Variants in MLANA observed in about 807,000 individuals in gnomAD.
MLANA encodes the protein melanoma antigen recognized by T-cells 1.
In MLANA, 21 loss-of-function variants were observed where a neutral mutation model predicts 15.7. The ratio of observed to expected loss-of-function variants is 1.33; its 90% CI spans 0.95 to 1.92. The LOEUF is 1.92. MLANA is among the 40% of genes most tolerant of loss of function. The pLI, the probability that MLANA is intolerant of heterozygous loss-of-function variation, is 0.00. For missense variants in MLANA, 164 were observed against 143.8 expected (o/e 1.14, Z -0.72); for synonymous variants, 56 against 51.5 (o/e 1.09, Z -0.37).
At position 5,894,392 on chromosome 9, in the gene MLANA, C is replaced by A. The variant is rs1415527873; in HGVS notation, c.77+1841C>A. Among the ~76,000 whole-genome samples, 1 of 152,120 alleles carries A rather than the reference C, an allele frequency of 6.6e-6. No homozygotes were observed. Among genetic ancestry groups the A allele is most frequent in the Admixed American group, 6.5e-5 (1 of 15,276 alleles). ...GGAGGCAAAGAAGGCATCGGGGCAA[C>A]CAAGGCTGTACCCACAGAATGCTGC... On this transcript the variant is annotated intron_variant, in intron 2 of 4. Coordinates refer to ENST00000381477, the MANE Select transcript of MLANA (RefSeq NM_005511.2). This position sits in a 1 kb window ranked among gnomAD's most constrained non-coding sequence, Gnocchi z 4.0.
In MLANA at chr9:5,896,962, C is replaced by T. The variant is rs1194357886; in HGVS notation, c.78-595C>T. 6.6e-5 allele frequency among the ~76,000 whole-genome samples: 10 copies of T among 152,352 alleles called. No homozygotes were observed. In the Middle Eastern group the frequency reaches 0.01, roughly 155 times the overall value. On this transcript the variant is annotated intron_variant, in intron 2 of 4. Coordinates refer to ENST00000381477, the MANE Select transcript of MLANA (RefSeq NM_005511.2). ...AGGGAGGGCACGAACATAATTGAGA[C>T]GGATTCAGGTTCAAATCCAGCCTCT...
rs371882370 is a variant in MLANA at position 5,910,499 on chromosome 9, G to C, written c.*1791G>C. ...TTCTAAACCAAAGAAACTTCATCAG[G>C]CATTTGGGTACCTCCTCCCCTCACC... is the stretch of plus-strand genomic sequence containing the variant. On this transcript the variant is annotated 3_prime_UTR_variant, in exon 5 of 5. Transcript: ENST00000381477. 4 of 152,104 alleles carry C rather than the reference G, an allele frequency of 2.6e-5. No homozygotes were observed. The highest frequency in any genetic ancestry group is 5.9e-5 in the Non-Finnish European group (4 of 68,044). The allele number at this position is 152,104 out of a possible 1,614,324, so 9.4% of individuals were successfully genotyped here. A position where few individuals can be genotyped will look rare whatever the true frequency, so the allele number is the denominator to read the frequency against.
chr9:5,903,961 G>A (rs1182029333), intron 3 of MLANA, among the ~76,000 whole-genome samples: 1 of 151,898 alleles, frequency 6.6e-6, no homozygotes, highest in African/African-American at 2.4e-5. Context: ...GGGTTCAAGT[G>A]ATTCTCCTGC....
At chr9:5,900,913 T>C (rs1832375173) in intron 3 of MLANA, among the ~76,000 whole-genome samples, 1 of 91,202 alleles carries the variant, frequency 1.1e-5, no homozygotes, top group African/African-American at 2.9e-5. Flanking sequence ...TTTACACTCA[T>C]GTGTCAGGGC....
At chr9:5,897,297 G>A (rs1832090880) in intron 2 of MLANA, among the ~76,000 whole-genome samples, 1 of 152,190 alleles carries the variant, frequency 6.6e-6, no homozygotes, top group African/African-American at 2.4e-5. Flanking sequence ...TCTCATACCT[G>A]GAACTTGGGT....
chr9:5,905,406 G>C lies in MLANA; in HGVS notation c.175-1479G>C, dbSNP rs893059547. 6.0e-4 allele frequency among the ~76,000 whole-genome samples: 91 copies of C among 152,270 alleles called. 2 individuals are homozygous for C. Among genetic ancestry groups the C allele is most frequent in the African/African-American group, 2.0e-3 (84 of 41,558 alleles). On this transcript the variant is annotated intron_variant, in intron 3 of 4. Transcript: ENST00000381477. ...TGACCAGCATTAATTTTAAAATAGA[G>C]ATTACAGGACTGACAGAATGAACTC...
chr9:5,901,935 T>G (rs943280049), intron 3 of MLANA, among the ~76,000 whole-genome samples: 1 of 152,242 alleles, frequency 6.6e-6, no homozygotes, highest in Non-Finnish European at 1.5e-5. Context: ...TGTTGAGATT[T>G]TTTGCATCTG....
At chr9:5,898,058 A>C in intron 3 of MLANA, 1 of 159,856 alleles carries the variant, frequency 6.3e-6, no homozygotes, top group Non-Finnish European at 1.4e-5. Context: ...AGCTGAACTC[A>C]TTTTTTTTTT....
chr9:5,899,673 T>C (rs1375974429), intron 3 of MLANA, among the ~76,000 whole-genome samples: 1 of 152,216 alleles, frequency 6.6e-6, no homozygotes, highest in Non-Finnish European at 1.5e-5. Context: ...CATTTGTAAC[T>C]CTAGCATGGG....
intron 3 of MLANA, among the ~76,000 whole-genome samples, chr9:5,901,783 A>C (rs1256370048): frequency 6.6e-6 from 1 of 152,168 alleles, no homozygotes; most frequent in Non-Finnish European, 1.5e-5. Flanking sequence ...CAGCCTCCCA[A>C]AGTGCTGGGA....
At chr9:5,901,428 G>C (rs570946939) in intron 3 of MLANA, among the ~76,000 whole-genome samples, 1 of 152,154 alleles carries the variant, frequency 6.6e-6, no homozygotes, top group Admixed American at 6.5e-5. Context: ...ATGAATGGGT[G>C]TTTGATTTTG....
intron 3 of MLANA, among the ~76,000 whole-genome samples, chr9:5,901,441 A>C (rs1410785000): frequency 6.6e-6 from 1 of 152,176 alleles, no homozygotes; most frequent in Admixed American, 6.5e-5. Context: ...TGATTTTGTC[A>C]AATGCTTTTT....
intron 2 of MLANA, among the ~76,000 whole-genome samples, chr9:5,897,288 C>T (rs1207974651): frequency 6.6e-6 from 1 of 152,210 alleles, no homozygotes; most frequent in Non-Finnish European, 1.5e-5. Flanking sequence ...TATGGCACTT[C>T]TCATACCTGG....
chr9:5,908,687 A>T lies in MLANA; in HGVS notation c.336A>T (p.Ser112=), dbSNP rs1013409878. ...ATGAGAAACTCTCTGCAGAACAGTCACCACCACCTTATTCACCTTAAGAGC... is the reference window on the plus strand; with the variant it reads ...ATGAGAAACTCTCTGCAGAACAGTCTCCACCACCTTATTCACCTTAAGAGC... ...PAYEKLSAEQ[S]PPPYSP The change falls in exon 5 of 5, where the codon TCA becomes TCT. Residue 112 remains serine, a synonymous_variant. Transcript: ENST00000381477. 1 of 1,614,052 alleles carries T rather than the reference A, an allele frequency of 6.2e-7. No homozygotes were observed. Among genetic ancestry groups the T allele is most frequent in the Non-Finnish European group, 8.5e-7 (1 of 1,179,952 alleles).
intron 3 of MLANA, among the ~76,000 whole-genome samples, chr9:5,904,710 C>G (rs1832683480): frequency 6.6e-6 from 1 of 151,894 alleles, no homozygotes; most frequent in African/African-American, 2.4e-5. Context: ...AAGTGATCCA[C>G]CCACTTGGCC....
At chr9:5,891,309 GA>G (rs1831643875) in intron 1 of MLANA, 2 of 152,204 alleles carry the variant, frequency 1.3e-5, no homozygotes, top group Admixed American at 1.3e-4. Flanking sequence ...TGAGGTATGG[GA>G]TGTATTAAAA....
rs1831842705 is a variant in MLANA, at chr9:5,894,032, C to T, written c.77+1481C>T. Among the ~76,000 whole-genome samples, 1 of 152,020 alleles carries T rather than the reference C, an allele frequency of 6.6e-6. No homozygotes were observed. The highest frequency in any genetic ancestry group is 2.1e-4 in the South Asian group (1 of 4,826). On this transcript the variant is annotated intron_variant, in intron 2 of 4. Coordinates refer to ENST00000381477, the MANE Select transcript of MLANA (RefSeq NM_005511.2). This position sits in a 1 kb window ranked among gnomAD's most constrained non-coding sequence, Gnocchi z 4.0. ...GTGGCGCTGGGATTTAAATCCAGGT[C>T]TGTTTGCCTCCAGAGTCCATGCTCT...
Position 5,908,790 on chromosome 9 carries a change from C to T in MLANA, c.*82C>T. 1 of 1,364,010 alleles carries T rather than the reference C, an allele frequency of 7.3e-7. No homozygotes were observed. The highest frequency in any genetic ancestry group is 1.0e-6 in the Non-Finnish European group (1 of 960,850). 84.5% of individuals were successfully genotyped at this position (1,364,010 alleles called of 1,614,324 possible). On this transcript the variant is annotated 3_prime_UTR_variant, in exon 5 of 5. Coordinates refer to ENST00000381477, the MANE Select transcript of MLANA (RefSeq NM_005511.2). ...ATTTAATACAGACATCTAATGTTCT[C>T]CTTTGGAATGGTGTAGGAAAAATGC...
intron 2 of MLANA, among the ~76,000 whole-genome samples, chr9:5,893,986 G>A (rs1232700719): frequency 2.7e-5 from 4 of 150,252 alleles, no homozygotes; most frequent in Non-Finnish European, 5.9e-5. Flanking sequence ...AGAGAAATTA[G>A]GAAATGTGTG....
Sources: gnomAD v4.1 joint callset for allele counts (sites outside exome capture counted in the v4.1 genomes callset) on GRCh38, gnomAD v4.1.1 for gene constraint, Gnocchi (gnomAD v3.1) non-coding constraint, MANE v1.5 for transcripts, NCBI Gene and HGNC (gene_info 2026-07-23, HGNC 2026-07-21) for gene names.